CCNB3: variants seen among roughly 807,000 people sequenced by gnomAD.
CCNB3 encodes the protein cyclin B3.
CCNB3 carries 12 observed loss-of-function variants against 68.0 expected under a neutral mutation model. That is an observed-to-expected ratio of 0.18 (90% CI 0.11 to 0.29). The LOEUF (loss-of-function observed/expected upper bound fraction) is 0.29, where lower values mean the gene tolerates loss of function less well. CCNB3 is among the 10% of genes least tolerant of loss of function. The pLI is 1.00. For missense variants in CCNB3, 904 were observed against 993.1 expected (o/e 0.91, Z 1.21); for synonymous variants, 354 against 388.9 (o/e 0.91, Z 1.06).
chrX:50,298,970 G>A (rs1306391248), intron 5 of CCNB3, among the ~76,000 whole-genome samples: 4 of 111,541 alleles, frequency 3.6e-5, no homozygotes, highest in Non-Finnish European at 5.7e-5. Context: ...TGTGGGATCG[G>A]TGGTGATATC....
At chrX:50,318,979 G>A (rs1602231963) in intron 8 of CCNB3, among the ~76,000 whole-genome samples, 2 of 111,645 alleles carry the variant, frequency 1.8e-5, no homozygotes, top group Middle Eastern at 9.2e-3. Flanking sequence ...TCCATGTGTT[G>A]TCACAACTCA....
intron 4 of CCNB3, among the ~76,000 whole-genome samples, chrX:50,290,482 A>G (rs73495604): frequency 0.023 from 2,623 of 111,972 alleles, 64 homozygotes; most frequent in African/African-American, 0.082. Context: ...CCTATCTCTT[A>G]ATAGCATCAC....
intron 9 of CCNB3, among the ~76,000 whole-genome samples, chrX:50,344,827 A>G (rs782347673): frequency 5.2e-4 from 58 of 111,709 alleles, no homozygotes; most frequent in Middle Eastern, 9.3e-3. Flanking sequence ...AATCCATCTA[A>G]CTAACCTCTC....
intron 1 of CCNB3, among the ~76,000 whole-genome samples, chrX:50,279,489 A>G (rs1191192842): frequency 1.7e-4 from 14 of 83,434 alleles, no homozygotes; most frequent in Non-Finnish European, 2.6e-4. Context: ...AAATATTCAT[A>G]TATAAATATA....
At chrX:50,337,038 G>A (rs1922890252) in intron 8 of CCNB3, among the ~76,000 whole-genome samples, 1 of 111,521 alleles carries the variant, frequency 9.0e-6, no homozygotes. Flanking sequence ...GAGGTGAAAG[G>A]TTGATACACA....
intron 8 of CCNB3, 31 bp from the exon 9 acceptor site, chrX:50,342,171 G>A (rs1557219705): frequency 8.3e-7 from 1 of 1,209,342 alleles, no homozygotes; most frequent in Non-Finnish European, 1.1e-6. Context: ...TGGACAATAT[G>A]CAGATCTGTG....
chrX:50,220,113 AT>A (rs1416019151), intron 1 of CCNB3, among the ~76,000 whole-genome samples: 1 of 111,550 alleles, frequency 9.0e-6, no homozygotes, highest in Non-Finnish European at 1.9e-5. Flanking sequence ...TTGCACATTG[AT>A]TTTGTATCCT....
chrX:50,329,777 C>T (rs1336346809), intron 8 of CCNB3, among the ~76,000 whole-genome samples: 1 of 112,409 alleles, frequency 8.9e-6, no homozygotes, highest in Non-Finnish European at 1.9e-5. Context: ...TTTTCTACCA[C>T]ATGACCAGGC....
At chrX:50,329,135 T>C (rs782593969) in intron 8 of CCNB3, among the ~76,000 whole-genome samples, 1 of 111,787 alleles carries the variant, frequency 8.9e-6, no homozygotes, top group East Asian at 2.9e-4. Flanking sequence ...AGGCTCAGGA[T>C]GCAAGCTGCC....
chrX:50,312,655 G>T (rs782563868), intron 7 of CCNB3, 23 bp downstream of exon 7: 7 of 1,050,330 alleles, frequency 6.7e-6, no homozygotes, highest in Non-Finnish European at 7.9e-6. Flanking sequence ...CTTGGGTTGG[G>T]CAATGATTTC....
intron 1 of CCNB3, among the ~76,000 whole-genome samples, chrX:50,228,231 C>A (rs1208905208): frequency 4.8e-5 from 4 of 83,634 alleles, no homozygotes; most frequent in Non-Finnish European, 2.2e-5. Context: ...CATATAAATA[C>A]ATACATAGAA....
At chrX:50,342,100 A>G (rs887289644) in intron 8 of CCNB3, 102 bp from the exon 9 acceptor site, 10 of 962,412 alleles carry the variant, frequency 1.0e-5, no homozygotes, top group Non-Finnish European at 1.5e-5. Context: ...GCTAGTCAGG[A>G]CTGTTCTTGA....
chrX:50,350,248 T>TACACACACACACAC (rs35500925), intron 11 of CCNB3, among the ~76,000 whole-genome samples: 261 of 95,228 alleles, frequency 2.7e-3, no homozygotes, highest in African/African-American at 9.5e-3. Flanking sequence ...CATACACAAA[T>TACACACACACACAC]ACACACACAC....
chrX:50,294,887 C>T lies in CCNB3; in HGVS notation c.229C>T (p.Pro77Ser), dbSNP rs782147068. Residue 77 changes from proline (P) to serine (S), a missense_variant, in exon 5 of 13, where the codon CCC (proline) becomes TCC (serine). Around this residue, in one of 2 missense-constraint regions of CCNB3, gnomAD observed 619 missense variants for 609.8 expected, o/e 1.02. Coordinates refer to ENST00000376042, the MANE Select transcript of CCNB3 (RefSeq NM_033031.3). ...GGCTTCTCAATGTCAACCTGTCCAG[C>T]CCAAGAAAGAAGCCAATAAAGAGTT... Reference protein sequence around the residue: ...TNASQCQPVQPKKEANKEFVK... With the variant: ...TNASQCQPVQSKKEANKEFVK... The T allele has an allele frequency of 8.3e-7, 1 of 1,206,781 alleles. No homozygotes were observed. Among genetic ancestry groups the T allele is most frequent in the East Asian group, 3.0e-5 (1 of 33,731 alleles).
chrX:50,321,364 C>G (rs1235551595), intron 8 of CCNB3, among the ~76,000 whole-genome samples: 1 of 111,883 alleles, frequency 8.9e-6, no homozygotes, highest in African/African-American at 3.2e-5. Flanking sequence ...TTGTTTCTTG[C>G]TTAGGAAAGT....
At position 50,351,731 on chromosome X, in the gene CCNB3, T is replaced by A; in HGVS notation, c.*28T>A. 9.5e-7 allele frequency: 1 copy of A among 1,058,106 alleles called. No homozygotes were observed. The highest frequency in any genetic ancestry group is 1.3e-6 in the Non-Finnish European group (1 of 764,028). The allele number at this position is 1,058,106 out of a possible 1,213,427, so 87.2% of individuals were successfully genotyped here. A position where few individuals can be genotyped will look rare whatever the true frequency, so the allele number is the denominator to read the frequency against. The stretch of plus-strand genomic sequence containing the variant: ...GCAGCCACAGGGCTAAGCATGCATG[T>A]TAACAGGGTATATTTATTCTATGTT... On this transcript the variant is annotated 3_prime_UTR_variant, in exon 13 of 13. Transcript: ENST00000376042.
At chrX:50,319,247 G>A (rs782126071) in intron 8 of CCNB3, among the ~76,000 whole-genome samples, 37 of 110,963 alleles carry the variant, frequency 3.3e-4, no homozygotes, top group East Asian at 1.1e-3. Context: ...TAGAATTGGC[G>A]CGTTACTATG....
At chrX:50,342,110 A>G in intron 8 of CCNB3, 92 bp from the exon 9 acceptor site, 1 of 1,026,956 alleles carries the variant, frequency 9.7e-7, no homozygotes, top group Admixed American at 2.2e-5. Context: ...ACTGTTCTTG[A>G]TGTTGCAGAT....
At chrX:50,215,805 T>G (rs1454253659) in intron 1 of CCNB3, among the ~76,000 whole-genome samples, 1 of 111,332 alleles carries the variant, frequency 9.0e-6, no homozygotes, top group Non-Finnish European at 1.9e-5. Context: ...TTAACTGATA[T>G]TAATATAGCC....
Sources: allele counts gnomAD v4.1 joint callset (sites outside exome capture counted in the v4.1 genomes callset), GRCh38; gene constraint gnomAD v4.1.1; regional missense constraint gnomAD v4.1.1; transcripts MANE v1.5; gene names NCBI Gene and HGNC (gene_info 2026-07-23, HGNC 2026-07-21).